The following ZNF480 variants were observed in gnomAD, a reference collection of about 807,000 sequenced individuals.
ZNF480 encodes zinc finger protein 480.
In ZNF480, 15 loss-of-function variants were observed where a neutral mutation model predicts 14.4. That is an observed-to-expected ratio of 1.04 (90% CI 0.70 to 1.60). ZNF480 has a LOEUF of 1.60. Among genes scored for constraint, ZNF480 ranks in the 40% most tolerant of loss-of-function variants. The probability of loss-of-function intolerance (pLI) is 0.00; values close to 1 mark genes in which losing one functional copy is unlikely to be tolerated. For synonymous variants in ZNF480, 218 were observed against 215.5 expected, an observed-to-expected ratio of 1.01 and a Z score of -0.10; for missense variants, 593 against 629.7, an observed-to-expected ratio of 0.94 and a Z score of 0.62.
Position 52,323,097 on chromosome 19 carries a change from A to G in ZNF480, c.*239A>G. On this transcript the variant is annotated 3_prime_UTR_variant, in exon 5 of 5. Coordinates refer to ENST00000595962, the MANE Select transcript of ZNF480 (RefSeq NM_144684.4). ...CACCTTGCAAAAGGAGATCTAAAAA[A>G]CACAATCAGAAATGACAAAGGGGAC... The G allele has an allele frequency of 2.7e-6, 1 of 367,910 alleles. No homozygotes were observed. 22.8% of individuals were successfully genotyped at this position (367,910 alleles called of 1,614,324 possible).
chr19:52,301,131 G>C (rs918872554), intron 2 of ZNF480: 3 of 152,644 alleles, frequency 2.0e-5, no homozygotes, highest in Non-Finnish European at 2.9e-5. Flanking sequence ...AAAGGCAAAG[G>C]CTGCTTTGTC....
At chr19:52,304,615 G>A (rs1982842190) in intron 2 of ZNF480, among the ~76,000 whole-genome samples, 1 of 151,952 alleles carries the variant, frequency 6.6e-6, no homozygotes, top group South Asian at 2.1e-4. Context: ...ACCCTGGTGG[G>A]AATTTTGTCC....
At chr19:52,300,614 C>T (rs1418807085) in intron 2 of ZNF480, 130 bp downstream of exon 2, 14 of 1,505,888 alleles carry the variant, frequency 9.3e-6, no homozygotes. Context: ...CTATGCCTTC[C>T]CTCAGTGCCG....
At chr19:52,302,317 C>T (rs146130027) in intron 2 of ZNF480, among the ~76,000 whole-genome samples, 2 of 152,314 alleles carry the variant, frequency 1.3e-5, no homozygotes, top group African/African-American at 4.8e-5. Flanking sequence ...GTCAATAATG[C>T]TAGATTCAGT....
intron 3 of ZNF480, 33 bp from the exon 4 acceptor site, chr19:52,315,801 A>G (rs1274114702): frequency 6.3e-7 from 1 of 1,593,770 alleles, no homozygotes; most frequent in Non-Finnish European, 8.6e-7. Flanking sequence ...TGGAGATGCT[A>G]CAGCACATTT....
At chr19:52,298,872 T>C (rs111706372) in intron 1 of ZNF480, among the ~76,000 whole-genome samples, 2,586 of 151,596 alleles carry the variant, frequency 0.017, 86 homozygotes, top group African/African-American at 0.059. Context: ...GAGAGATACG[T>C]ACAGAATGAG....
At chr19:52,297,907 A>AGAGG (rs1982487668) in intron 1 of ZNF480, 1 of 152,356 alleles carries the variant, frequency 6.6e-6, no homozygotes, top group Non-Finnish European at 1.5e-5. Flanking sequence ...GGGAGAAGAA[A>AGAGG]GAGAAAAATT....
chr19:52,303,253 T>A (rs1259284095), intron 2 of ZNF480, among the ~76,000 whole-genome samples: 2 of 152,196 alleles, frequency 1.3e-5, no homozygotes, highest in Non-Finnish European at 2.9e-5. Context: ...TTTTCAGCAC[T>A]TTTAATTGGT....
In ZNF480 at chr19:52,322,346, A is replaced by G; in HGVS notation, c.1096A>G (p.Thr366Ala). The change falls in exon 5 of 5, where the codon ACT becomes GCT. Residue 366 changes from threonine (T) to alanine (A), a missense_variant. Transcript: ENST00000595962. Reference protein sequence around the residue: ...ALLVRHQKIHTGEKPYKCNEC... With the variant: ...ALLVRHQKIHAGEKPYKCNEC... ...CCTTGTACGACATCAGAAAATTCAT[A>G]CTGGAGAGAAACCTTACAAATGTAA... 1 of 1,613,962 alleles carries G rather than the reference A, an allele frequency of 6.2e-7. No homozygotes were observed. The highest frequency in any genetic ancestry group is 8.5e-7 in the Non-Finnish European group (1 of 1,180,000).
intron 4 of ZNF480, among the ~76,000 whole-genome samples, chr19:52,320,577 T>C: frequency 6.6e-6 from 1 of 152,060 alleles, no homozygotes; most frequent in African/African-American, 2.4e-5. Flanking sequence ...GGCCGGATCA[T>C]GGTCAGGAGT....
intron 3 of ZNF480, among the ~76,000 whole-genome samples, chr19:52,314,496 A>C (rs1012998620): frequency 4.0e-5 from 6 of 150,186 alleles, no homozygotes; most frequent in African/African-American, 1.5e-4. Context: ...AAAAAAAAAA[A>C]AACCAAAAAA....
chr19:52,318,183 T>G (rs1983646499), intron 4 of ZNF480, among the ~76,000 whole-genome samples: 2 of 152,114 alleles, frequency 1.3e-5, no homozygotes, highest in Non-Finnish European at 2.9e-5. Context: ...CTCGGCTCAC[T>G]GGTACCTGCG....
At position 52,325,468 on chromosome 19, in the gene ZNF480, G is replaced by C. The variant is rs935023767; in HGVS notation, c.*2610G>C. 2 of 152,140 alleles carry C rather than the reference G, an allele frequency of 1.3e-5. No homozygotes were observed. The highest frequency in any genetic ancestry group is 2.4e-5 in the African/African-American group (1 of 41,448). The allele number at this position is 152,140 out of a possible 1,614,324, so 9.4% of individuals were successfully genotyped here. ...CATTCCACCATAAAGACAAACACTT[G>C]TATGTTCATTGCAGCACTATTCTCA... On this transcript the variant is annotated 3_prime_UTR_variant, in exon 5 of 5. Transcript: ENST00000595962.
intron 1 of ZNF480, among the ~76,000 whole-genome samples, chr19:52,299,103 A>G (rs1423193948): frequency 1.3e-5 from 2 of 152,204 alleles, no homozygotes; most frequent in African/African-American, 4.8e-5. Flanking sequence ...TTCCACTCAC[A>G]TTCCCTATTC....
At position 52,313,600 on chromosome 19, in the gene ZNF480, A is replaced by G. The variant is rs185984694; in HGVS notation, c.73-553A>G. On this transcript the variant is annotated intron_variant, in intron 2 of 4. Transcript: ENST00000595962. Reference sequence around the variant, plus strand: ...AGCTAATGCTTCTATAGAGATAACCATGGGTTAATTTTTTATTTGCATTTC... The same window carrying G: ...AGCTAATGCTTCTATAGAGATAACCGTGGGTTAATTTTTTATTTGCATTTC... 4.3e-3 allele frequency among the ~76,000 whole-genome samples: 651 copies of G among 152,300 alleles called. 12 individuals are homozygous for G. Among genetic ancestry groups the G allele is most frequent in the East Asian group, 0.028 (144 of 5,190 alleles).
At position 52,314,473 on chromosome 19, in the gene ZNF480, CAAAA is replaced by C. The variant is rs34349660; in HGVS notation, c.199+216_199+219del. ...CTGCCAACAGAGTGAAACTCCGTCC[CAAAA>C]AAAAAAAAAAAAAAAAAAAAACCAA... On this transcript the variant is annotated intron_variant, in intron 3 of 4. Coordinates refer to ENST00000595962, the MANE Select transcript of ZNF480 (RefSeq NM_144684.4). Among the ~76,000 whole-genome samples, 549 of 66,240 alleles carry C rather than the reference CAAAA, an allele frequency of 8.3e-3. 5 individuals carry two copies. Among genetic ancestry groups the C allele is most frequent in the African/African-American group, 0.034 (523 of 15,530 alleles). 43.5% of individuals were successfully genotyped at this position (66,240 alleles called of 152,430 possible). A position where few individuals can be genotyped will look rare whatever the true frequency, so the allele number is the denominator to read the frequency against.
chr19:52,318,318 G>C (rs745609008), intron 4 of ZNF480, among the ~76,000 whole-genome samples: 1 of 152,056 alleles, frequency 6.6e-6, no homozygotes, highest in Non-Finnish European at 1.5e-5. Flanking sequence ...ATGTTGGCCA[G>C]GCTGGTCTTG....
chr19:52,309,292 A>T (rs1056406540), intron 2 of ZNF480, among the ~76,000 whole-genome samples: 14 of 152,020 alleles, frequency 9.2e-5, no homozygotes, highest in African/African-American at 3.4e-4. Flanking sequence ...CTTGTCTGGG[A>T]TGTGTCCTCT....
At chr19:52,310,475 A>AT (rs1000739234) in intron 2 of ZNF480, among the ~76,000 whole-genome samples, 3,910 of 147,044 alleles carry the variant, frequency 0.027, 80 homozygotes, top group East Asian at 0.055. Context: ...ACCCCAACTA[A>AT]TTTTTTTTTT....
Sources: gnomAD v4.1 joint callset for allele counts (sites outside exome capture counted in the v4.1 genomes callset) on GRCh38, gnomAD v4.1.1 for gene constraint, MANE v1.5 for transcripts, NCBI Gene and HGNC (gene_info 2026-07-23, HGNC 2026-07-21) for gene names.